PANK2: variants seen among roughly 807,000 people sequenced by gnomAD.
PANK2 encodes the protein pantothenate kinase 2.
A neutral mutation model predicts 43.1 loss-of-function variants in PANK2; 36 were observed. The ratio of observed to expected loss-of-function variants is 0.84; its 90% confidence interval spans 0.64 to 1.10. The LOEUF (loss-of-function observed/expected upper bound fraction) is 1.10, where lower values mean the gene tolerates loss of function less well. Among genes scored for constraint, PANK2 ranks in the 50% least tolerant of loss-of-function variants. The pLI is 0.00. For missense variants in PANK2, 576 were observed against 593.3 expected, an observed-to-expected ratio of 0.97 and a Z score of 0.30; for synonymous variants, 281 against 238.2, an observed-to-expected ratio of 1.18 and a Z score of -1.66.
rs1268207892 is a variant in PANK2, at chr20:3,889,438, G to A, written c.8G>A (p.Gly3Asp). The stretch of plus-strand genomic sequence containing the variant: ...GCGAGAAGGAATCCGACGCTGGGGG[G>A]CTTGCTCGGGCGGCAGCGACTGCTG... Residue 3 changes from glycine to aspartate, a missense_variant, in exon 1 of 7, where the codon GGC becomes GAC. By Grantham distance (94) the Gly-to-Asp change is moderately conservative. Coordinates refer to ENST00000610179, the MANE Select transcript of PANK2 (RefSeq NM_001386393.1). 2.6e-6 allele frequency: 4 copies of A among 1,557,102 alleles called. No homozygotes were observed. The highest frequency in any genetic ancestry group is 3.5e-6 in the Non-Finnish European group (4 of 1,157,312).
At chr20:3,910,352 G>A (rs1446191060) in intron 2 of PANK2, among the ~76,000 whole-genome samples, 1 of 150,100 alleles carries the variant, frequency 6.7e-6, no homozygotes, top group Non-Finnish European at 1.5e-5. Flanking sequence ...AGCTGCTGCA[G>A]TAGTTTCTAT....
chr20:3,896,011 T>G (rs967998511), intron 1 of PANK2, among the ~76,000 whole-genome samples: 1 of 152,140 alleles, frequency 6.6e-6, no homozygotes, highest in Non-Finnish European at 1.5e-5. Flanking sequence ...CTGGTAAAAG[T>G]GTAGTTCATA....
At chr20:3,912,930 C>CAAAAA (rs71331078) in intron 4 of PANK2, among the ~76,000 whole-genome samples, 12 of 71,452 alleles carry the variant, frequency 1.7e-4, no homozygotes, top group South Asian at 1.5e-3. Flanking sequence ...GACTCTGTCT[C>CAAAAA]AAAAAAAAAA....
Position 3,912,634 on chromosome 20 carries a change from G to A in PANK2, c.1082G>A (p.Ser361Asn), listed in dbSNP as rs137852963. ...CTGCCAGGCTGGGCTGTGGCTTCAA[G>A]GTAAGGGGGCATGTGTGTTCTAAGA... is the stretch of plus-strand genomic sequence containing the variant. The change falls in exon 4 of 7, where the codon AGC becomes AAC. Residue 361 changes from serine (S) to asparagine (N), a missense_variant and splice_region_variant. By Grantham distance (46) the Ser-to-Asn change is conservative (BLOSUM62 1). Transcript: ENST00000610179. 1 of 1,613,926 alleles carries A rather than the reference G, an allele frequency of 6.2e-7. No homozygotes were observed. Among genetic ancestry groups the A allele is most frequent in the Non-Finnish European group, 8.5e-7 (1 of 1,179,928 alleles).
At chr20:3,893,931 GTTTTT>G (rs374582085) in intron 1 of PANK2, among the ~76,000 whole-genome samples, 157 of 73,180 alleles carry the variant, frequency 2.1e-3, no homozygotes, top group Non-Finnish European at 3.3e-3. Flanking sequence ...TTTGTTTTTT[GTTTTT>G]TTTTTTTTTT....
intron 1 of PANK2, among the ~76,000 whole-genome samples, chr20:3,898,734 A>C (rs2090251501): frequency 6.6e-6 from 1 of 152,086 alleles, no homozygotes; most frequent in South Asian, 2.1e-4. Context: ...GTTTTGCAGT[A>C]AGTGAATGTG....
intron 1 of PANK2, among the ~76,000 whole-genome samples, chr20:3,899,925 C>T (rs947510214): frequency 5.3e-5 from 8 of 151,610 alleles, no homozygotes; most frequent in Admixed American, 4.0e-4. Context: ...AGGATGGTCT[C>T]GATCTCCTGA....
At chr20:3,898,946 C>G (rs1242785037) in intron 1 of PANK2, among the ~76,000 whole-genome samples, 1 of 151,850 alleles carries the variant, frequency 6.6e-6, no homozygotes, top group Non-Finnish European at 1.5e-5. Context: ...GCGACCTCGG[C>G]TCACTGCACC....
intron 1 of PANK2, among the ~76,000 whole-genome samples, chr20:3,904,356 G>C (rs1211551801): frequency 6.6e-6 from 1 of 152,004 alleles, no homozygotes; most frequent in African/African-American, 2.4e-5. Flanking sequence ...CAAAGTGGGA[G>C]GATTGCTGGA....
chr20:3,894,808 C>T (rs915594926), intron 1 of PANK2, among the ~76,000 whole-genome samples: 1 of 152,058 alleles, frequency 6.6e-6, no homozygotes, highest in African/African-American at 2.4e-5. Context: ...ATAATAAATA[C>T]TAAGCAATAA....
rs956336584 is a variant in PANK2, at chr20:3,918,897, A to C, written c.1332+101A>C. On this transcript the variant is annotated intron_variant, in intron 6 of 6. Transcript: ENST00000610179. Reference sequence around the variant, plus strand: ...AGAGGGTGGAGGTGAAATGGGCTGCAGTGTTTCTTTTGTTTTTTGTTTTTT... The same window carrying C: ...AGAGGGTGGAGGTGAAATGGGCTGCCGTGTTTCTTTTGTTTTTTGTTTTTT... 7.6e-6 allele frequency: 12 copies of C among 1,583,634 alleles called. No homozygotes were observed. The African/African-American group carries it at 1.3e-4, about 18-fold the overall frequency.
chr20:3,906,331 G>A (rs1279349203), intron 1 of PANK2, among the ~76,000 whole-genome samples: 2 of 152,148 alleles, frequency 1.3e-5, no homozygotes, highest in East Asian at 3.9e-4. Flanking sequence ...GGCTGAGATA[G>A]GAGGATTACT....
intron 1 of PANK2, among the ~76,000 whole-genome samples, chr20:3,906,842 A>G (rs1428192225): frequency 1.3e-5 from 2 of 151,700 alleles, no homozygotes; most frequent in African/African-American, 2.4e-5. Flanking sequence ...CTCTGTCGCC[A>G]GGCTAGAGTG....
At chr20:3,889,209 T>G (rs774961312), upstream of PANK2, 1 of 1,612,570 alleles carries the variant, frequency 6.2e-7, no homozygotes, top group East Asian at 2.2e-5. Context: ...GATCCCCTCC[T>G]CCACCACCCT....
chr20:3,896,341 G>A lies in PANK2; in HGVS notation c.298+6613G>A, dbSNP rs1013457544. Among the ~76,000 whole-genome samples, 5 of 150,964 alleles carry A rather than the reference G, an allele frequency of 3.3e-5. No homozygotes were observed. In the South Asian group the frequency reaches 6.3e-4, roughly 19 times the overall value. The stretch of plus-strand genomic sequence containing the variant: ...GATCCGCCTGCCTTGGCCTCCCGAA[G>A]TGCTGGGATTACAAGCGTGAGCCAC... On this transcript the variant is annotated intron_variant, in intron 1 of 6. Transcript: ENST00000610179.
chr20:3,912,572 A>G lies in PANK2; in HGVS notation c.1020A>G (p.Val340=), dbSNP rs939794399. The G allele has an allele frequency of 6.2e-7, 1 of 1,614,184 alleles. No individual in the cohort carries two copies. Among genetic ancestry groups the G allele is most frequent in the South Asian group, 1.1e-5 (1 of 91,078 alleles). ...ATAGCACCAAAGTGGATAAACTAGT[A>G]CGAGATATTTATGGAGGGGACTATG... Residue 340 remains valine (V), a synonymous_variant, in exon 4 of 7, where the codon GTA becomes GTG. Coordinates refer to ENST00000610179, the MANE Select transcript of PANK2 (RefSeq NM_001386393.1).
rs184470424 is a variant in PANK2 at position 3,895,533 on chromosome 20, A to G, written c.298+5805A>G. On this transcript the variant is annotated intron_variant, in intron 1 of 6. Coordinates refer to ENST00000610179, the MANE Select transcript of PANK2 (RefSeq NM_001386393.1). Reference sequence around the variant, plus strand: ...TTCTCAAAACATTTCAAAAAATAGGAGGAGGAAGATAGACTAGGCTATTGT... The same window carrying G: ...TTCTCAAAACATTTCAAAAAATAGGGGGAGGAAGATAGACTAGGCTATTGT... Among the ~76,000 whole-genome samples the G allele has an allele frequency of 2.8e-3, 372 of 131,468 alleles. 4 individuals are homozygous for G. The highest frequency in any genetic ancestry group is 9.9e-3 in the African/African-American group (351 of 35,370). 86.2% of individuals were successfully genotyped at this position (131,468 alleles called of 152,430 possible).
intron 2 of PANK2, 107 bp downstream of exon 2, chr20:3,908,385 C>T (rs2090421000): frequency 8.9e-7 from 1 of 1,129,630 alleles, no homozygotes; most frequent in Non-Finnish European, 1.3e-6. Context: ...CTTGAATTTT[C>T]TTGAGTCAAA....
intron 1 of PANK2, chr20:3,901,668 GTTT>G: frequency 1.6e-6 from 1 of 633,876 alleles, no homozygotes; most frequent in Non-Finnish European, 2.0e-6. Flanking sequence ...CAGTACTTTT[GTTT>G]ATTTCTTAAA....
Sources: allele counts gnomAD v4.1 joint callset (sites outside exome capture counted in the v4.1 genomes callset), GRCh38; gene constraint gnomAD v4.1.1; transcripts MANE v1.5; gene names NCBI Gene and HGNC (gene_info 2026-07-23, HGNC 2026-07-21).